The following ARPC1B variants were observed in gnomAD, a reference collection of about 807,000 sequenced individuals.
ARPC1B encodes the protein actin-related protein 2/3 complex subunit 1B.
Under a neutral mutation model 46.0 loss-of-function variants are expected in ARPC1B, and 29 were observed. The ratio of observed to expected loss-of-function variants is 0.63; its 90% confidence interval spans 0.47 to 0.86. The LOEUF is 0.86. ARPC1B is among the 40% of genes least tolerant of loss of function. The pLI, the probability that ARPC1B is intolerant of heterozygous loss-of-function variation, is 0.00. For synonymous variants in ARPC1B, 201 were observed against 213.9 expected (o/e 0.94, Z 0.53); for missense variants, 469 against 529.4 (o/e 0.89, Z 1.12).
chr7:99,375,305 G>A (rs1007891839), intron 1 of ARPC1B, among the ~76,000 whole-genome samples: 3 of 152,124 alleles, frequency 2.0e-5, no homozygotes, highest in Non-Finnish European at 4.4e-5. Context: ...CGGGAAATGA[G>A]CTGGCGTCTC....
chr7:99,380,334 C>T lies in ARPC1B; in HGVS notation c.-13-5368C>T, dbSNP rs1195090653. On this transcript the variant is annotated intron_variant, in intron 1 of 9. Transcript: ENST00000646101. ...TAAGATGTGGGGGTTGGGGAGTTAT[C>T]GCAGAGGCGCTTTGGGTTTCAGCTG... Among the ~76,000 whole-genome samples the T allele has an allele frequency of 4.3e-3, 647 of 152,220 alleles. 2 individuals are homozygous for T. The highest frequency in any genetic ancestry group is 0.015 in the African/African-American group (614 of 41,494).
In ARPC1B at chr7:99,391,106, C is replaced by A; in HGVS notation, c.707+7C>A. 1 of 1,612,222 alleles carries A rather than the reference C, an allele frequency of 6.2e-7. No homozygotes were observed. Among genetic ancestry groups the A allele is most frequent in the Non-Finnish European group, 8.5e-7 (1 of 1,179,012 alleles). ...ATGCCGACAAGAAGATGGCGTGAGT[C>A]GAGGCCATCCCCAGGGGAGGAGGTG... On this transcript the variant is annotated splice_region_variant and intron_variant, in intron 6 of 9. Coordinates refer to ENST00000646101, the MANE Select transcript of ARPC1B (RefSeq NM_005720.4).
chr7:99,383,753 C>T (rs1047472258), intron 1 of ARPC1B, among the ~76,000 whole-genome samples: 2 of 152,134 alleles, frequency 1.3e-5, no homozygotes, highest in African/African-American at 4.8e-5. Flanking sequence ...GCACGGAAGC[C>T]CGAGGCAGGT....
chr7:99,375,662 C>T (rs1410502833), intron 1 of ARPC1B, among the ~76,000 whole-genome samples: 2 of 152,244 alleles, frequency 1.3e-5, no homozygotes, highest in Non-Finnish European at 2.9e-5. Context: ...GTGGCTCACA[C>T]ATAGAATCCT....
intron 7 of ARPC1B, 80 bp from the exon 8 acceptor site, chr7:99,392,591 C>T (rs1794600835): frequency 7.0e-6 from 9 of 1,283,582 alleles, no homozygotes; most frequent in Non-Finnish European, 9.3e-6. Context: ...GCCTCCCGGG[C>T]GGCCAGACGC....
intron 8 of ARPC1B, among the ~76,000 whole-genome samples, chr7:99,393,387 G>GT (rs1385368245): frequency 1.3e-5 from 2 of 152,138 alleles, no homozygotes; most frequent in Non-Finnish European, 2.9e-5. Context: ...GGGGACTGTC[G>GT]TAGGGCTGGC....
intron 3 of ARPC1B, 50 bp downstream of exon 3, chr7:99,386,839 G>C (rs765573430): frequency 2.1e-6 from 3 of 1,450,512 alleles, no homozygotes; most frequent in South Asian, 1.2e-5. Flanking sequence ...TGGTGGGTTG[G>C]GGGGGTGGTG....
At chr7:99,394,259 T>C in intron 9 of ARPC1B, 140 bp downstream of exon 9, 2 of 1,136,824 alleles carry the variant, frequency 1.8e-6, no homozygotes, top group Non-Finnish European at 2.6e-6. Context: ...GGGCGGCCCC[T>C]TGACATCTGG....
At chr7:99,390,065 C>A in intron 5 of ARPC1B, 53 bp downstream of exon 5, 1 of 1,515,000 alleles carries the variant, frequency 6.6e-7, no homozygotes. Flanking sequence ...TGACTGCTGA[C>A]ATCATAGCGG....
intron 1 of ARPC1B, among the ~76,000 whole-genome samples, chr7:99,380,443 GTTCA>G (rs1279866960): frequency 1.3e-5 from 2 of 152,166 alleles, no homozygotes; most frequent in African/African-American, 4.8e-5. Context: ...TAAGGGGTTT[GTTCA>G]ACAGACTAGG....
chr7:99,379,583 G>A (rs1192901447), intron 1 of ARPC1B, among the ~76,000 whole-genome samples: 2 of 152,146 alleles, frequency 1.3e-5, no homozygotes, highest in Admixed American at 1.3e-4. Flanking sequence ...GGCAAGAAGG[G>A]TCCCGCAGCC....
chr7:99,394,536 G>C lies in ARPC1B; in HGVS notation c.*47G>C, dbSNP rs1273498408. 8.1e-6 allele frequency: 13 copies of C among 1,613,808 alleles called. No individual in the cohort carries two copies. Among genetic ancestry groups the C allele is most frequent in the Non-Finnish European group, 1.1e-5 (13 of 1,179,938 alleles). ...TCATCCTAGCTGCTGGGGAAGCGGG[G>C]AGAGGGGTCAGGGAGGCTAATGGTT... On this transcript the variant is annotated 3_prime_UTR_variant, in exon 10 of 10. Transcript: ENST00000646101.
chr7:99,384,860 CTTTTT>C (rs1245581099), intron 1 of ARPC1B, among the ~76,000 whole-genome samples: 1 of 101,184 alleles, frequency 9.9e-6, no homozygotes, highest in Non-Finnish European at 2.0e-5. Context: ...TACTTCATTT[CTTTTT>C]TTTTTTTTTT....
In ARPC1B at chr7:99,392,896, C is replaced by T. The variant is rs1433593450; in HGVS notation, c.989+20C>T. 6 of 1,523,062 alleles carry T rather than the reference C, an allele frequency of 3.9e-6. No homozygotes were observed. Among genetic ancestry groups the T allele is most frequent in the Non-Finnish European group, 3.5e-6 (4 of 1,130,382 alleles). The allele number at this position is 1,523,062 out of a possible 1,614,324, so 94.3% of individuals were successfully genotyped here. On this transcript the variant is annotated intron_variant, in intron 8 of 9. Transcript: ENST00000646101. ...CGTCAGGTGAGAGCGGGAGCCGGGCCGGCGGGTGGGCGGGGCCTCGGCTCG... is the reference window on the plus strand; with the variant it reads ...CGTCAGGTGAGAGCGGGAGCCGGGCTGGCGGGTGGGCGGGGCCTCGGCTCG...
In ARPC1B at chr7:99,394,077, C is replaced by T; in HGVS notation, c.1038C>T (p.Cys346=). Residue 346 remains cysteine (C), a synonymous_variant, in exon 9 of 10, where the codon TGC becomes TGT. Coordinates refer to ENST00000646101, the MANE Select transcript of ARPC1B (RefSeq NM_005720.4). The part of the protein sequence containing the change: ...SGGKAKCSQF[C]TTGMDGGMSI... ...GCAAGGCCAAGTGCTCGCAGTTCTG[C>T]ACCACTGGCATGGATGGCGGCATGA... 2 of 1,613,694 alleles carry T rather than the reference C, an allele frequency of 1.2e-6. No individual in the cohort carries two copies. The highest frequency in any genetic ancestry group is 1.1e-5 in the South Asian group (1 of 91,090).
intron 1 of ARPC1B, among the ~76,000 whole-genome samples, chr7:99,379,146 G>T (rs777284558): frequency 6.6e-6 from 1 of 152,282 alleles, no homozygotes; most frequent in South Asian, 2.1e-4. Context: ...CCCACTTGTT[G>T]AATTGAGTGC....
intron 5 of ARPC1B, among the ~76,000 whole-genome samples, 198 bp from the exon 6 acceptor site, chr7:99,390,694 TA>T (rs200846238): frequency 2.3e-4 from 34 of 151,070 alleles, no homozygotes; most frequent in East Asian, 5.8e-4. Context: ...GTTAACCCTT[TA>T]AAAAAAATTT....
chr7:99,392,132 G>T (rs753030192), intron 7 of ARPC1B: 21 of 153,792 alleles, frequency 1.4e-4, no homozygotes, highest in Non-Finnish European at 2.3e-4. Flanking sequence ...TGTCCCAGAT[G>T]CCACGAGGGA....
chr7:99,375,487 C>T (rs968777351), intron 1 of ARPC1B, among the ~76,000 whole-genome samples: 3 of 152,182 alleles, frequency 2.0e-5, no homozygotes, highest in Non-Finnish European at 4.4e-5. Flanking sequence ...CCTCCCTTTC[C>T]GGAGGCGCTG....
Sources: allele counts gnomAD v4.1 joint callset (sites outside exome capture counted in the v4.1 genomes callset), GRCh38; gene constraint gnomAD v4.1.1; transcripts MANE v1.5; gene names NCBI Gene and HGNC (gene_info 2026-07-23, HGNC 2026-07-21).